The following LRRIQ1 variants were observed in gnomAD, a reference collection of about 807,000 sequenced individuals.
The protein encoded by LRRIQ1 is leucine-rich repeat- and IQ domain-containing protein 1.
In LRRIQ1, 210 loss-of-function variants were observed where a neutral mutation model predicts 211.9. That is an observed-to-expected ratio of 0.99 (90% CI 0.89 to 1.11). LRRIQ1 has a LOEUF of 1.11. Among genes scored for constraint, LRRIQ1 ranks in the 50% most tolerant of loss-of-function variants. The pLI is 0.00. For synonymous variants in LRRIQ1, 699 were observed against 650.1 expected (o/e 1.08, Z -1.14); for missense variants, 2,136 against 1,939.5 (o/e 1.10, Z -1.90).
Position 85,099,893 on chromosome 12 carries a change from A to G in LRRIQ1, c.3209+899A>G, listed in dbSNP as rs556073791. ...ACCTATTACAATTTGACATTGAAAA[A>G]CAAATATGTATTCAAAAAATCCCCT... On this transcript the variant is annotated intron_variant, in intron 13 of 26. Coordinates refer to ENST00000393217, the MANE Select transcript of LRRIQ1 (RefSeq NM_001079910.2). 2.3e-3 allele frequency among the ~76,000 whole-genome samples: 344 copies of G among 151,906 alleles called. 4 individuals are homozygous for G. The highest frequency in any genetic ancestry group is 3.7e-3 in the Non-Finnish European group (251 of 67,730).
intron 1 of LRRIQ1, among the ~76,000 whole-genome samples, chr12:85,260,727 A>G (rs1896261331): frequency 6.6e-6 from 1 of 152,190 alleles, no homozygotes; most frequent in African/African-American, 2.4e-5. Flanking sequence ...TGCTGAGGCA[A>G]GATGAGGGTT....
intron 24 of LRRIQ1, among the ~76,000 whole-genome samples, chr12:85,183,742 A>T (rs1445209168): frequency 6.6e-6 from 1 of 152,070 alleles, no homozygotes; most frequent in Non-Finnish European, 1.5e-5. Flanking sequence ...TTCTATACAT[A>T]ATTTTATTGC....
At chr12:85,092,141 T>C (rs1480781642) in intron 11 of LRRIQ1, among the ~76,000 whole-genome samples, 1 of 152,208 alleles carries the variant, frequency 6.6e-6, no homozygotes, top group Non-Finnish European at 1.5e-5. Context: ...CAGAGAGTTT[T>C]GACTGCACAG....
At chr12:85,081,837 C>T (rs957993267) in intron 11 of LRRIQ1, among the ~76,000 whole-genome samples, 4 of 150,506 alleles carry the variant, frequency 2.7e-5, no homozygotes, top group Non-Finnish European at 4.4e-5. Context: ...TATTGTGCCT[C>T]AGCCTCCTGA....
At chr12:85,070,441 A>T (rs1882964763) in intron 10 of LRRIQ1, among the ~76,000 whole-genome samples, 1 of 151,988 alleles carries the variant, frequency 6.6e-6, no homozygotes, top group African/African-American at 2.4e-5. Context: ...TTCTTTAATC[A>T]ATTAGAACTA....
chr12:85,200,422 A>G (rs1012707763), intron 24 of LRRIQ1, among the ~76,000 whole-genome samples: 6 of 152,114 alleles, frequency 3.9e-5, no homozygotes, highest in Admixed American at 6.6e-5. Flanking sequence ...TAGTCTGACA[A>G]ATCTCTTCCT....
intron 18 of LRRIQ1, among the ~76,000 whole-genome samples, 162 bp downstream of exon 18, chr12:85,128,195 C>T (rs1888517848): frequency 6.6e-6 from 1 of 152,170 alleles, no homozygotes; most frequent in South Asian, 2.1e-4. Flanking sequence ...TGCAGGTTAG[C>T]TGCGGGTTGG....
intron 14 of LRRIQ1, 94 bp from the exon 15 acceptor site, chr12:85,106,426 CTT>C: frequency 1.2e-6 from 1 of 846,554 alleles, no homozygotes; most frequent in Non-Finnish European, 1.9e-6. Flanking sequence ...TATTGCTTTT[CTT>C]TAATAGCAAA....
At chr12:85,127,564 C>G (rs1197913708) in intron 17 of LRRIQ1, among the ~76,000 whole-genome samples, 1 of 152,180 alleles carries the variant, frequency 6.6e-6, no homozygotes, top group Non-Finnish European at 1.5e-5. Flanking sequence ...GATACAAGAT[C>G]TCTATAAATC....
At chr12:85,262,852 C>T (rs1593037478) in intron 1 of LRRIQ1, 1 of 801,458 alleles carries the variant, frequency 1.2e-6, no homozygotes, top group Non-Finnish European at 1.5e-6. Flanking sequence ...ATATTTCTTA[C>T]TTTAAAATAT....
At chr12:85,114,147 C>A (rs1887396188) in intron 15 of LRRIQ1, among the ~76,000 whole-genome samples, 3 of 151,678 alleles carry the variant, frequency 2.0e-5, no homozygotes, top group Admixed American at 2.0e-4. Flanking sequence ...TAAAGTGAAA[C>A]TTCTCATACA....
chr12:85,069,899 C>T (rs1023622516), intron 10 of LRRIQ1, among the ~76,000 whole-genome samples: 24 of 151,960 alleles, frequency 1.6e-4, no homozygotes, highest in African/African-American at 4.8e-4. Flanking sequence ...TGCCTGTTCA[C>T]TCTGATGGTA....
At chr12:85,068,960 T>A (rs1230276905) in intron 10 of LRRIQ1, among the ~76,000 whole-genome samples, 1 of 151,460 alleles carries the variant, frequency 6.6e-6, no homozygotes, top group Non-Finnish European at 1.5e-5. Flanking sequence ...ATTATTATAC[T>A]TTAAGTTTTA....
chr12:85,178,661 G>A (rs1053336895), intron 24 of LRRIQ1, among the ~76,000 whole-genome samples: 6 of 151,304 alleles, frequency 4.0e-5, no homozygotes, highest in African/African-American at 7.3e-5. Context: ...TTACATCTTC[G>A]CTTCCATTCT....
chr12:85,178,299 G>A (rs778811726), intron 24 of LRRIQ1, among the ~76,000 whole-genome samples: 20 of 151,944 alleles, frequency 1.3e-4, no homozygotes, highest in African/African-American at 2.2e-4. Context: ...TAAATATGTA[G>A]ACAAGCTGTA....
At chr12:85,062,991 G>GTA (rs1232720257) in intron 8 of LRRIQ1, among the ~76,000 whole-genome samples, 3 of 151,836 alleles carry the variant, frequency 2.0e-5, no homozygotes, top group Admixed American at 2.0e-4. Context: ...TTGGCCACGT[G>GTA]TATGTCTTCT....
chr12:85,037,962 T>C (rs1878373828), intron 1 of LRRIQ1, among the ~76,000 whole-genome samples, 191 bp from the exon 2 acceptor site: 1 of 151,888 alleles, frequency 6.6e-6, no homozygotes, highest in Non-Finnish European at 1.5e-5. Flanking sequence ...ACAATTACAG[T>C]TGATCATTTT....
At chr12:85,085,727 A>G (rs917663957) in intron 11 of LRRIQ1, among the ~76,000 whole-genome samples, 3 of 152,156 alleles carry the variant, frequency 2.0e-5, no homozygotes, top group Admixed American at 1.3e-4. Context: ...GCTTAGGATA[A>G]TGGTCATCAG....
chr12:85,206,152 TG>T (rs1893534288), intron 24 of LRRIQ1, among the ~76,000 whole-genome samples: 1 of 152,318 alleles, frequency 6.6e-6, no homozygotes, highest in East Asian at 1.9e-4. Flanking sequence ...CTGGTGAGCC[TG>T]GGACTGCTGA....
Sources: allele counts gnomAD v4.1 joint callset (sites outside exome capture counted in the v4.1 genomes callset), GRCh38; gene constraint gnomAD v4.1.1; transcripts MANE v1.5; gene names NCBI Gene and HGNC (gene_info 2026-07-23, HGNC 2026-07-21).